The following RFX6 variants were observed in gnomAD, a reference collection of about 807,000 sequenced individuals.
RFX6 encodes the protein regulatory factor X6, also known as DNA-binding protein RFX6.
In RFX6, 50 loss-of-function variants were observed where a neutral mutation model predicts 110.8. The observed-to-expected ratio is 0.45, with a 90% CI of 0.36 to 0.57. RFX6 has a LOEUF of 0.57. RFX6 is among the 20% of genes least tolerant of loss of function. The pLI, the probability that RFX6 is intolerant of heterozygous loss-of-function variation, is 0.00. For synonymous variants in RFX6, 383 were observed against 411.2 expected, an observed-to-expected ratio of 0.93 and a Z score of 0.83; for missense variants, 990 against 1,127.0, an observed-to-expected ratio of 0.88 and a Z score of 1.74.
intron 7 of RFX6, among the ~76,000 whole-genome samples, chr6:116,915,798 T>A (rs973375905): frequency 4.6e-5 from 7 of 152,146 alleles, no homozygotes; most frequent in African/African-American, 1.7e-4. Flanking sequence ...TTTCATATTA[T>A]ACTGTAGTTG....
chr6:116,892,389 T>G (rs1427899783), intron 4 of RFX6, among the ~76,000 whole-genome samples: 1 of 152,208 alleles, frequency 6.6e-6, no homozygotes, highest in Non-Finnish European at 1.5e-5. Flanking sequence ...ATCCCACTTC[T>G]GGGTCCCTGG....
intron 4 of RFX6, among the ~76,000 whole-genome samples, chr6:116,891,997 G>A (rs1388817387): frequency 6.6e-6 from 1 of 152,012 alleles, no homozygotes; most frequent in Non-Finnish European, 1.5e-5. Flanking sequence ...CAGGTTAACA[G>A]ACTATAATTG....
chr6:116,895,050 A>G, intron 5 of RFX6, 130 bp from the exon 6 acceptor site: 2 of 559,078 alleles, frequency 3.6e-6, no homozygotes, highest in Non-Finnish European at 6.6e-6. Flanking sequence ...TCTTTAAAAA[A>G]AGCAAATTTC....
At chr6:116,884,088 C>T (rs1220147732) in intron 4 of RFX6, among the ~76,000 whole-genome samples, 1 of 152,122 alleles carries the variant, frequency 6.6e-6, no homozygotes, top group African/African-American at 2.4e-5. Context: ...CTCCAACTGC[C>T]AGTCTTCTGT....
rs1014341297 is a variant in RFX6 at position 116,917,956 on chromosome 6, A to T, written c.973-81A>T. 3.4e-5 allele frequency: 32 copies of T among 945,124 alleles called. No individual in the cohort carries two copies. The East Asian group carries it at 6.0e-4, about 18-fold the overall frequency. The allele number at this position is 945,124 out of a possible 1,614,324, so 58.5% of individuals were successfully genotyped here. On this transcript the variant is annotated intron_variant, in intron 9 of 18. Transcript: ENST00000332958. ...TGTTATTCTCTAGGAAGCTAGGAAT[A>T]AAAAGTAGTTGACCAATAATATGTC...
At chr6:116,928,019 C>A (rs1274370966) in intron 17 of RFX6, among the ~76,000 whole-genome samples, 3 of 151,342 alleles carry the variant, frequency 2.0e-5, no homozygotes, top group African/African-American at 7.3e-5. Flanking sequence ...GCTGAGGTGC[C>A]TCCCAAAGGT....
intron 9 of RFX6, among the ~76,000 whole-genome samples, chr6:116,916,546 G>A (rs1775470152): frequency 6.6e-6 from 1 of 151,860 alleles, no homozygotes; most frequent in South Asian, 2.1e-4. Context: ...AGCTAATAAT[G>A]AGTCTATATG....
At chr6:116,922,829 A>G (rs1163378560) in intron 13 of RFX6, among the ~76,000 whole-genome samples, 1 of 152,214 alleles carries the variant, frequency 6.6e-6, no homozygotes, top group African/African-American at 2.4e-5. Flanking sequence ...TCTGTCAAAG[A>G]AAAATTAAAA....
chr6:116,878,193 A>G (rs1387932247), intron 2 of RFX6, among the ~76,000 whole-genome samples: 2 of 152,232 alleles, frequency 1.3e-5, no homozygotes, highest in Non-Finnish European at 2.9e-5. Context: ...TTATTGACTA[A>G]AACCATATTT....
rs1178427165 is a variant in RFX6, at chr6:116,877,822, T to A, written c.250T>A (p.Ser84Thr). ...AATGCACTTAAACAATGGTAACTTTTCCTCTGAAGAAGAGGACGCCGACAA... is the reference window on the plus strand; with the variant it reads ...AATGCACTTAAACAATGGTAACTTTACCTCTGAAGAAGAGGACGCCGACAA... ...SEMHLNNGNF[S>T]SEEEDADNHD... is the part of the protein sequence containing the mutation. Residue 84 changes from serine (S) to threonine (T), a missense_variant, in exon 2 of 19, where the codon TCC (serine) becomes ACC (threonine). By Grantham distance (58) the Ser-to-Thr change is moderately conservative. Coordinates refer to ENST00000332958, the MANE Select transcript of RFX6 (RefSeq NM_173560.4). 1 of 1,614,054 alleles carries A rather than the reference T, an allele frequency of 6.2e-7. No individual in the cohort carries two copies. Among genetic ancestry groups the A allele is most frequent in the Non-Finnish European group, 8.5e-7 (1 of 1,180,042 alleles).
chr6:116,877,449 C>A lies in RFX6; in HGVS notation c.174C>A (p.Gly58=). The A allele has an allele frequency of 6.3e-7, 1 of 1,580,114 alleles. No individual in the cohort carries two copies. Among genetic ancestry groups the A allele is most frequent in the Non-Finnish European group, 8.6e-7 (1 of 1,162,350 alleles). The change falls in exon 1 of 19, where the codon GGC becomes GGA. Residue 58 remains glycine, a synonymous_variant. Coordinates refer to ENST00000332958, the MANE Select transcript of RFX6 (RefSeq NM_173560.4). The part of the protein sequence containing the change: ...AAEGQPGGEQ[G]GGEKGEDPEL... ...AAGGGCAGCCCGGGGGCGAGCAGGGCGGCGGGGAGAAAGGCGAAGACCCGG... is the reference window on the plus strand; with the variant it reads ...AAGGGCAGCCCGGGGGCGAGCAGGGAGGCGGGGAGAAAGGCGAAGACCCGG...
chr6:116,901,022 C>T (rs2114678934), intron 6 of RFX6, among the ~76,000 whole-genome samples: 1 of 152,256 alleles, frequency 6.6e-6, no homozygotes, highest in South Asian at 2.1e-4. Flanking sequence ...CCCATACAAC[C>T]ATTCCACTTC....
chr6:116,880,483 T>G, intron 2 of RFX6, 61 bp from the exon 3 acceptor site: 1 of 1,514,754 alleles, frequency 6.6e-7, no homozygotes, highest in Non-Finnish European at 9.1e-7. Context: ...AATAAGTCAA[T>G]GAGAAAGTTG....
intron 6 of RFX6, among the ~76,000 whole-genome samples, chr6:116,907,349 G>A (rs1371010728): frequency 6.6e-6 from 1 of 152,048 alleles, no homozygotes; most frequent in African/African-American, 2.4e-5. Context: ...TCAGGCTTTG[G>A]TATCAGGGCA....
In RFX6 at chr6:116,886,120, T is replaced by G. The variant is rs1184518367; in HGVS notation, c.566+3692T>G. Among the ~76,000 whole-genome samples the G allele has an allele frequency of 2.0e-5, 3 of 152,142 alleles. No individual in the cohort carries two copies. In the East Asian group the frequency reaches 5.8e-4, roughly 29 times the overall value. ...AAACATTTTATTGTTATTGTAGTGT[T>G]TAATACAGTACTTTTAGCATAGTAT... On this transcript the variant is annotated intron_variant, in intron 4 of 18. Coordinates refer to ENST00000332958, the MANE Select transcript of RFX6 (RefSeq NM_173560.4).
intron 6 of RFX6, among the ~76,000 whole-genome samples, chr6:116,908,913 A>G (rs999990675): frequency 1.3e-5 from 2 of 152,144 alleles, no homozygotes; most frequent in Non-Finnish European, 2.9e-5. Context: ...TGTCTTTAGT[A>G]ATAAGTGAAA....
In RFX6 at chr6:116,919,226, A is replaced by G; in HGVS notation, c.1112A>G (p.Lys371Arg). The G allele has an allele frequency of 6.2e-7, 1 of 1,613,648 alleles. No homozygotes were observed. The highest frequency in any genetic ancestry group is 8.5e-7 in the Non-Finnish European group (1 of 1,179,630). Reference sequence around the variant, plus strand: ...AACTTGCCAGAAGCTCTAACTGACAAGAAAATACCTATTGTGCGAAGATTT... The same window carrying G: ...AACTTGCCAGAAGCTCTAACTGACAGGAAAATACCTATTGTGCGAAGATTT... The part of the protein sequence containing the change: ...LENLPEALTD[K>R]KIPIVRRFVS... The change falls in exon 11 of 19, where the codon AAG (lysine) becomes AGG (arginine). Residue 371 changes from lysine to arginine, a missense_variant. Transcript: ENST00000332958.
intron 6 of RFX6, among the ~76,000 whole-genome samples, chr6:116,907,385 A>G (rs1284909808): frequency 1.3e-5 from 2 of 152,094 alleles, no homozygotes; most frequent in African/African-American, 2.4e-5. Context: ...AATAAGTTAC[A>G]AAGTACTCCT....
At chr6:116,916,447 A>T in intron 9 of RFX6, 133 bp downstream of exon 9, 1 of 690,454 alleles carries the variant, frequency 1.4e-6, no homozygotes, top group Non-Finnish European at 2.6e-6. Flanking sequence ...TTTTGATGAG[A>T]AAGCAAGCAA....
Sources: allele counts gnomAD v4.1 joint callset (sites outside exome capture counted in the v4.1 genomes callset), GRCh38; gene constraint gnomAD v4.1.1; transcripts MANE v1.5; gene names NCBI Gene and HGNC (gene_info 2026-07-23, HGNC 2026-07-21).